SNAPC4: variants seen among roughly 807,000 people sequenced by gnomAD.
SNAPC4 encodes the protein small nuclear RNA activating complex polypeptide 4.
Under a neutral mutation model 151.3 loss-of-function variants are expected in SNAPC4, and 127 were observed. That is an observed-to-expected ratio of 0.84 (90% CI 0.73 to 0.97). The LOEUF (loss-of-function observed/expected upper bound fraction) is 0.97, where lower values mean the gene tolerates loss of function less well. Among genes scored for constraint, SNAPC4 ranks in the 50% least tolerant of loss-of-function variants. SNAPC4 has a pLI of 0.00. For missense variants in SNAPC4, 2,186 were observed against 1,935.0 expected (o/e 1.13, Z -2.43); for synonymous variants, 1,002 against 824.4 (o/e 1.22, Z -3.69).
intron 17 of SNAPC4, 90 bp from the exon 18 acceptor site, chr9:136,382,163 C>T (rs924083417): frequency 8.2e-6 from 13 of 1,580,302 alleles, no homozygotes; most frequent in Non-Finnish European, 2.6e-6. Flanking sequence ...CCTCCACCCC[C>T]ATCAGGGCAT....
chr9:136,380,174 C>T (rs537827449), intron 20 of SNAPC4, among the ~76,000 whole-genome samples: 4 of 152,182 alleles, frequency 2.6e-5, no homozygotes, highest in East Asian at 3.9e-4. Flanking sequence ...GGGTAGGGGA[C>T]GTTGTCGTGC....
In SNAPC4 at chr9:136,383,620, G is replaced by A. The variant is rs199847101; in HGVS notation, c.1549C>T (p.Arg517Trp). The A allele has an allele frequency of 1.1e-5, 18 of 1,611,538 alleles. No homozygotes were observed. In the Middle Eastern group the frequency reaches 5.0e-4, roughly 44 times the overall value. ...CCGCTGCTGCTGGTAGAGCTCCACC[G>A]GACGCTGTGACGGGCCCTCCGCCGC... is the stretch of plus-strand genomic sequence containing the variant. Reference protein sequence around the residue: ...RRRRRARHSVRWSSTSSSGSS... With the variant: ...RRRRRARHSVWWSSTSSSGSS... The change falls in exon 16 of 24, where the codon CGG becomes TGG. Residue 517 changes from arginine to tryptophan, a missense_variant. Transcript: ENST00000684778. This position sits in a 1 kb window ranked among gnomAD's most constrained non-coding sequence, Gnocchi z 4.2.
chr9:136,377,728 G>T lies in SNAPC4; in HGVS notation c.4099C>A (p.Arg1367=), dbSNP rs762483291. ...DNPAYLLLRA[R]FLAAFTLPAL... is the part of the protein sequence containing the mutation. ...GGGAGGGTGAAGGCTGCCAGGAACC[G>T]CGCCCGCAACAGGAGGTAGGCCGGG... The change falls in exon 22 of 24, where the codon CGG becomes AGG. Residue 1367 remains arginine (R), a synonymous_variant. Coordinates refer to ENST00000684778, the MANE Select transcript of SNAPC4 (RefSeq NM_003086.4). 4 of 1,609,312 alleles carry T rather than the reference G, an allele frequency of 2.5e-6. No homozygotes were observed. The highest frequency in any genetic ancestry group is 3.4e-6 in the Non-Finnish European group (4 of 1,177,660).
intron 13 of SNAPC4, among the ~76,000 whole-genome samples, chr9:136,385,790 A>G (rs1380465024): frequency 6.6e-6 from 1 of 152,122 alleles, no homozygotes; most frequent in Non-Finnish European, 1.5e-5. Context: ...TCCTGACCTC[A>G]TGATCTGTCC....
Position 136,387,514 on chromosome 9 carries a change from T to C in SNAPC4, c.1296A>G (p.Pro432=). Residue 432 remains proline, a synonymous_variant, in exon 13 of 24, where the codon CCA becomes CCG. Transcript: ENST00000684778. ...QDWFKIREEV[P]GRSDAQCRDR... is the part of the protein sequence containing the mutation. ...CTCGGCACTGGGCATCGCTCCTACC[T>C]GGCACCTCTTCCCGGATTTTAAACC... The C allele has an allele frequency of 6.2e-7, 1 of 1,613,880 alleles. No individual in the cohort carries two copies. Among genetic ancestry groups the C allele is most frequent in the Non-Finnish European group, 8.5e-7 (1 of 1,179,830 alleles).
At chr9:136,394,193 G>A (rs1205511729) in intron 7 of SNAPC4, 56 bp downstream of exon 7, 2 of 1,390,840 alleles carry the variant, frequency 1.4e-6, no homozygotes, top group East Asian at 2.3e-5. Flanking sequence ...GGGATTCCAG[G>A]CATGAGCCCT....
chr9:136,391,053 T>C (rs112225532), intron 10 of SNAPC4, among the ~76,000 whole-genome samples: 15,992 of 152,036 alleles, frequency 0.11, 1,059 homozygotes, highest in Admixed American at 0.18. Flanking sequence ...AGGCTGGTCT[T>C]GAACTCCCGA....
chr9:136,395,774 G>T lies in SNAPC4; in HGVS notation c.178-4C>A. ...CTTCGCCCCACCTTTCTTCTTCCTG[G>T]TAACGAGCCAGAAATGGCATGTGAC... On this transcript the variant is annotated splice_polypyrimidine_tract_variant and splice_region_variant and intron_variant, in intron 3 of 23. Coordinates refer to ENST00000684778, the MANE Select transcript of SNAPC4 (RefSeq NM_003086.4). 1 of 1,608,208 alleles carries T rather than the reference G, an allele frequency of 6.2e-7. No individual in the cohort carries two copies. Among genetic ancestry groups the T allele is most frequent in the Non-Finnish European group, 8.5e-7 (1 of 1,176,052 alleles).
chr9:136,384,909 T>C, intron 13 of SNAPC4, 95 bp from the exon 14 acceptor site: 1 of 639,594 alleles, frequency 1.6e-6, no homozygotes, highest in East Asian at 2.8e-5. Context: ...GATATGACAC[T>C]AAAGGCGCAA....
chr9:136,391,675 A>G (rs905097003), intron 10 of SNAPC4, among the ~76,000 whole-genome samples: 2 of 152,266 alleles, frequency 1.3e-5, no homozygotes, highest in African/African-American at 2.4e-5. Flanking sequence ...GAAATAAGAA[A>G]GGAGACAAAC....
chr9:136,384,853 C>A, intron 13 of SNAPC4, 39 bp from the exon 14 acceptor site: 2 of 1,138,090 alleles, frequency 1.8e-6, no homozygotes, highest in South Asian at 2.7e-5. Context: ...TTTTAGATGC[C>A]GAGACGCCGC....
chr9:136,377,597 TTCCAGC>T lies in SNAPC4; in HGVS notation c.4224_4229del (p.Glu1410_Leu1411del). ...CCGGCTGCCCGTCCCTGTCTGCAAG[TTCCAGC>T]TCACTCAGGAGGTCTTCATCCTCAC... On this transcript the variant is annotated inframe_deletion, in exon 22 of 24. Coordinates refer to ENST00000684778, the MANE Select transcript of SNAPC4 (RefSeq NM_003086.4). The T allele has an allele frequency of 3.9e-6, 6 of 1,537,016 alleles. No individual in the cohort carries two copies. Among genetic ancestry groups the T allele is most frequent in the Non-Finnish European group, 5.3e-6 (6 of 1,139,286 alleles).
At chr9:136,376,598 C>T (rs1564373973) in intron 22 of SNAPC4, 117 bp from the exon 23 acceptor site, 2 of 1,260,060 alleles carry the variant, frequency 1.6e-6, no homozygotes, top group South Asian at 1.3e-5. Flanking sequence ...GGACAGGGCA[C>T]CCTCAGCTCA....
rs1471806641 is a variant in SNAPC4 at position 136,387,768 on chromosome 9, C to A, written c.1204G>T (p.Gly402Cys). 1 of 1,611,818 alleles carries A rather than the reference C, an allele frequency of 6.2e-7. No individual in the cohort carries two copies. Among genetic ancestry groups the A allele is most frequent in the African/African-American group, 1.3e-5 (1 of 74,874 alleles). Reference protein sequence around the residue: ...TKSLDPGLKKGYWAPEEDAKL... With the variant: ...TKSLDPGLKKCYWAPEEDAKL... ...GCATCTTCCTCCGGGGCCCAGTAAC[C>A]CTTCTTCAGACCAGGATCCAAGCTC... The change falls in exon 12 of 24, where the codon GGT becomes TGT. Residue 402 changes from glycine to cysteine, a missense_variant. By Grantham distance (159) the Gly-to-Cys change is radical (BLOSUM62 -3). Coordinates refer to ENST00000684778, the MANE Select transcript of SNAPC4 (RefSeq NM_003086.4).
chr9:136,390,845 T>A (rs1834047568), intron 10 of SNAPC4, among the ~76,000 whole-genome samples: 1 of 151,772 alleles, frequency 6.6e-6, no homozygotes, highest in African/African-American at 2.4e-5. Flanking sequence ...TATTTATTTT[T>A]TTTTTTTTTG....
At chr9:136,376,847 G>A (rs576995240) in intron 22 of SNAPC4, among the ~76,000 whole-genome samples, 1 of 152,292 alleles carries the variant, frequency 6.6e-6, no homozygotes, top group Non-Finnish European at 1.5e-5. Context: ...TTCAGCCCAG[G>A]GACTTGCGAG....
At chr9:136,396,055 A>G (rs1834259650) in intron 3 of SNAPC4, among the ~76,000 whole-genome samples, 1 of 152,270 alleles carries the variant, frequency 6.6e-6, no homozygotes, top group Non-Finnish European at 1.5e-5. Flanking sequence ...GCAAGGCAGC[A>G]GGCAGCTTTC....
chr9:136,392,515 G>T lies in SNAPC4; in HGVS notation c.810+7C>A. ...CTGCTTGGGGCTCAGACCTGCCCCT[G>T]ACTTACGTTAATATTGGAAATCTTC... On this transcript the variant is annotated splice_region_variant and intron_variant, in intron 9 of 23. Coordinates refer to ENST00000684778, the MANE Select transcript of SNAPC4 (RefSeq NM_003086.4). 1 of 1,613,412 alleles carries T rather than the reference G, an allele frequency of 6.2e-7. No individual in the cohort carries two copies. The highest frequency in any genetic ancestry group is 1.1e-5 in the South Asian group (1 of 91,032).
Position 136,383,931 on chromosome 9 carries a change from AAAG to A in SNAPC4, c.1500+19_1500+21del, listed in dbSNP as rs762809418. 6 of 1,607,092 alleles carry A rather than the reference AAAG, an allele frequency of 3.7e-6. No homozygotes were observed. Among genetic ancestry groups the A allele is most frequent in the South Asian group, 2.2e-5 (2 of 90,894 alleles). Reference sequence around the variant, plus strand: ...ACCAGGCCATTGTCTGGTTTCAGATAAAGAAGGAGCGAGTGGCTCACCCCCATC... The same window carrying A: ...ACCAGGCCATTGTCTGGTTTCAGATAAAGGAGCGAGTGGCTCACCCCCATC... On this transcript the variant is annotated intron_variant, in intron 15 of 23. Transcript: ENST00000684778. This position sits in a 1 kb window ranked among gnomAD's most constrained non-coding sequence, Gnocchi z 4.2.
Sources: allele counts gnomAD v4.1 joint callset (sites outside exome capture counted in the v4.1 genomes callset), GRCh38; gene constraint gnomAD v4.1.1; non-coding constraint Gnocchi (gnomAD v3.1); transcripts MANE v1.5; gene names NCBI Gene and HGNC (gene_info 2026-07-23, HGNC 2026-07-21).